The following TAB2 variants were observed in gnomAD, a reference collection of about 807,000 sequenced individuals.
The protein encoded by TAB2 is TGF-beta activated kinase 1 (MAP3K7) binding protein 2, also known as TGF-beta-activated kinase 1 and MAP3K7-binding protein 2.
A neutral mutation model predicts 65.0 loss-of-function variants in TAB2; 3 were observed. That is an observed-to-expected ratio of 0.05 (90% confidence interval 0.02 to 0.12). The LOEUF is 0.12. Among genes scored for constraint, TAB2 ranks in the 10% least tolerant of loss-of-function variants. The pLI is 1.00. For missense variants in TAB2, 623 were observed against 840.3 expected, an observed-to-expected ratio of 0.74 and a Z score of 3.20; for synonymous variants, 298 against 285.1, an observed-to-expected ratio of 1.05 and a Z score of -0.46.
intron 1 of TAB2, among the ~76,000 whole-genome samples, chr6:149,322,640 T>C (rs376915761): frequency 2.0e-5 from 3 of 152,310 alleles, no homozygotes; most frequent in Admixed American, 6.5e-5. Flanking sequence ...ATATCTTTCT[T>C]TTTCTGGTGA....
chr6:149,277,667 T>C (rs1178433769), intron 1 of TAB2, among the ~76,000 whole-genome samples: 1 of 152,164 alleles, frequency 6.6e-6, no homozygotes, highest in Non-Finnish European at 1.5e-5. Context: ...TAATACCTAT[T>C]CAAAAAATCA....
intron 1 of TAB2, among the ~76,000 whole-genome samples, chr6:149,224,068 G>T (rs545759332): frequency 6.6e-6 from 1 of 152,302 alleles, no homozygotes; most frequent in South Asian, 2.1e-4. Flanking sequence ...GAAAAACAAT[G>T]TGATCACCTT....
chr6:149,284,576 G>A (rs34429158), intron 1 of TAB2, among the ~76,000 whole-genome samples: 34,846 of 150,668 alleles, frequency 0.23, 4,606 homozygotes, highest in African/African-American at 0.36. Context: ...AGAGGAGGTC[G>A]CATCTAATAA....
At chr6:149,402,068 T>C (rs1782444387) in intron 6 of TAB2, among the ~76,000 whole-genome samples, 1 of 147,982 alleles carries the variant, frequency 6.8e-6, no homozygotes, top group Non-Finnish European at 1.5e-5. Context: ...CTAAGCCTAA[T>C]GTTAGCATAA....
intron 1 of TAB2, among the ~76,000 whole-genome samples, chr6:149,281,847 C>CA (rs955380675): frequency 6.0e-5 from 9 of 150,712 alleles, no homozygotes; most frequent in African/African-American, 9.7e-5. Flanking sequence ...ATGTTTCCTA[C>CA]AAAAAAAATA....
At chr6:149,263,287 A>G (rs1186493323) in intron 1 of TAB2, among the ~76,000 whole-genome samples, 1 of 152,224 alleles carries the variant, frequency 6.6e-6, no homozygotes, top group African/African-American at 2.4e-5. Context: ...AAACAATTTT[A>G]TAGTTGTTAC....
At chr6:149,283,130 C>T (rs1264208205) in intron 1 of TAB2, among the ~76,000 whole-genome samples, 2 of 152,186 alleles carry the variant, frequency 1.3e-5, no homozygotes, top group Non-Finnish European at 2.9e-5. Context: ...GGAGGCTCCC[C>T]GGGTGACACC....
At position 149,369,943 on chromosome 6, in the gene TAB2, C is replaced by T; in HGVS notation, c.-55C>T. The T allele has an allele frequency of 6.8e-7, 1 of 1,460,838 alleles. No individual in the cohort carries two copies. The highest frequency in any genetic ancestry group is 9.6e-7 in the Non-Finnish European group (1 of 1,040,458). The allele number at this position is 1,460,838 out of a possible 1,614,324, so 90.5% of individuals were successfully genotyped here. A position where few individuals can be genotyped will look rare whatever the true frequency, so the allele number is the denominator to read the frequency against. On this transcript the variant is annotated 5_prime_UTR_variant, in exon 2 of 7. Transcript: ENST00000637181. ...GGACAGAAGAGATGAGTACTATTTCCACTAAGGCCTAGAATTGCCTACTGT... is the reference window on the plus strand; with the variant it reads ...GGACAGAAGAGATGAGTACTATTTCTACTAAGGCCTAGAATTGCCTACTGT...
At chr6:149,360,060 T>C (rs1358481083) in intron 1 of TAB2, among the ~76,000 whole-genome samples, 1 of 152,264 alleles carries the variant, frequency 6.6e-6, no homozygotes, top group African/African-American at 2.4e-5. Flanking sequence ...ATAGTTTGTA[T>C]ACTCCGTTTC....
At chr6:149,286,464 C>T (rs1778677974) in intron 1 of TAB2, among the ~76,000 whole-genome samples, 1 of 152,160 alleles carries the variant, frequency 6.6e-6, no homozygotes, top group African/African-American at 2.4e-5. Flanking sequence ...AGCCAGAGAG[C>T]CCATCATCTT....
At chr6:149,269,887 G>A (rs1283885781) in intron 1 of TAB2, among the ~76,000 whole-genome samples, 1 of 152,120 alleles carries the variant, frequency 6.6e-6, no homozygotes, top group Non-Finnish European at 1.5e-5. Context: ...GATTACAAAC[G>A]AAGTCAATAT....
intron 3 of TAB2, among the ~76,000 whole-genome samples, 156 bp downstream of exon 3, chr6:149,379,674 T>C (rs932282421): frequency 2.0e-5 from 3 of 152,006 alleles, no homozygotes; most frequent in Non-Finnish European, 2.9e-5. Context: ...TATATGTATA[T>C]ACATTTTAAT....
chr6:149,267,942 T>C (rs1490950737), intron 1 of TAB2, among the ~76,000 whole-genome samples: 2 of 152,226 alleles, frequency 1.3e-5, no homozygotes, highest in Non-Finnish European at 2.9e-5. Context: ...CGTCATTATG[T>C]GGCACCACTA....
intron 1 of TAB2, among the ~76,000 whole-genome samples, chr6:149,304,664 A>G (rs1380766069): frequency 6.6e-6 from 1 of 152,212 alleles, no homozygotes; most frequent in Non-Finnish European, 1.5e-5. Context: ...AATACGCAAC[A>G]CACATCTGAT....
At chr6:149,296,264 G>A (rs900049589) in intron 1 of TAB2, among the ~76,000 whole-genome samples, 12 of 152,196 alleles carry the variant, frequency 7.9e-5, no homozygotes, top group African/African-American at 2.4e-4. Flanking sequence ...CCCCCAGGTT[G>A]TAGCCCTTTG....
intron 1 of TAB2, among the ~76,000 whole-genome samples, chr6:149,310,623 G>C (rs1722416608): frequency 1.3e-5 from 2 of 151,910 alleles, no homozygotes; most frequent in African/African-American, 2.4e-5. Context: ...TCTTTTGTAT[G>C]TTGATTGATC....
intron 1 of TAB2, chr6:149,247,002 T>G (rs62428470): frequency 2.0e-5 from 3 of 152,620 alleles, no homozygotes; most frequent in East Asian, 1.9e-4. Flanking sequence ...CAGTTCCTTA[T>G]CCCCAACCTT....
intron 1 of TAB2, among the ~76,000 whole-genome samples, chr6:149,346,077 A>G (rs1472164681): frequency 6.6e-6 from 1 of 152,096 alleles, no homozygotes; most frequent in African/African-American, 2.4e-5. Context: ...TTTTTTCTAG[A>G]TTAGATGCTT....
intron 1 of TAB2, among the ~76,000 whole-genome samples, chr6:149,271,334 T>C (rs749856772): frequency 9.8e-5 from 15 of 152,312 alleles, no homozygotes; most frequent in East Asian, 1.9e-4. Flanking sequence ...AATAATTTCA[T>C]TGGTGTGCTA....
Sources: gnomAD v4.1 joint callset for allele counts (sites outside exome capture counted in the v4.1 genomes callset) on GRCh38, gnomAD v4.1.1 for gene constraint, MANE v1.5 for transcripts, NCBI Gene and HGNC (gene_info 2026-07-23, HGNC 2026-07-21) for gene names.